Variants in PAPSS1 observed in about 807,000 individuals in gnomAD.
PAPSS1 encodes the protein bifunctional 3'-phosphoadenosine 5'-phosphosulfate synthase 1.
In PAPSS1, 50 loss-of-function variants were observed where a neutral mutation model predicts 72.0. The ratio of observed to expected loss-of-function variants is 0.69; its 90% CI spans 0.55 to 0.88. PAPSS1 has a LOEUF of 0.88. Ranked by LOEUF, PAPSS1 falls within the 40% of genes least tolerant of loss-of-function variation. The pLI is 0.00. For missense variants in PAPSS1, 657 were observed against 782.2 expected (o/e 0.84, Z 1.91); for synonymous variants, 261 against 263.6 (o/e 0.99, Z 0.09).
At chr4:107,698,488 G>C (rs1471617593) in intron 2 of PAPSS1, among the ~76,000 whole-genome samples, 1 of 152,158 alleles carries the variant, frequency 6.6e-6, no homozygotes, top group East Asian at 1.9e-4. Flanking sequence ...ATCCGAACAA[G>C]TGAAAACCTG....
In PAPSS1 at chr4:107,627,342, C is replaced by A. The variant is rs1726125104; in HGVS notation, c.1736+4289G>T. On this transcript the variant is annotated intron_variant, in intron 11 of 11. Transcript: ENST00000265174. ...TTGCTCTCCCTTGCCACTATATTAG[C>A]AACTTAAGGAAGTTAATCCTAACGC... Among the ~76,000 whole-genome samples, 3 of 152,168 alleles carry A rather than the reference C, an allele frequency of 2.0e-5. No individual in the cohort carries two copies. In the South Asian group the frequency reaches 6.2e-4, roughly 32 times the overall value.
At chr4:107,631,351 T>C (rs911699628) in intron 11 of PAPSS1, among the ~76,000 whole-genome samples, 19 of 152,228 alleles carry the variant, frequency 1.2e-4, no homozygotes, top group Non-Finnish European at 2.8e-4. Flanking sequence ...CTCAAACTAG[T>C]TATGCTCAGT....
intron 11 of PAPSS1, among the ~76,000 whole-genome samples, chr4:107,615,029 A>C (rs1203584208): frequency 6.6e-6 from 1 of 152,058 alleles, no homozygotes; most frequent in African/African-American, 2.4e-5. Context: ...GAAAACTTTT[A>C]AAGAAGTTTC....
Position 107,687,185 on chromosome 4 carries a change from AAAAAT to A in PAPSS1, c.412-13_412-9del, listed in dbSNP as rs749613215. The A allele has an allele frequency of 1.0e-5, 16 of 1,545,324 alleles. No homozygotes were observed. In the Middle Eastern group the frequency reaches 1.2e-3, roughly 117 times the overall value. On this transcript the variant is annotated splice_polypyrimidine_tract_variant and intron_variant, in intron 3 of 11. Transcript: ENST00000265174. ...CCTTGCATTGTTGCGATCCTTAAAA[AAAAAT>A]AAAATAAAAAGTGATCACACAAATC...
In PAPSS1 at chr4:107,687,148, T is replaced by G. The variant is rs1162755273; in HGVS notation, c.441A>C (p.Glu147Asp). The G allele has an allele frequency of 6.3e-7, 1 of 1,590,014 alleles. No individual in the cohort carries two copies. Among genetic ancestry groups the G allele is most frequent in the East Asian group, 2.3e-5 (1 of 43,842 alleles). ...QDRNNARQIH[E>D]GASLPFFEVF... ...CTTCAAAAAACGGTAAACTTGCACC[T>G]TCATGAATTTGCCTTGCATTGTTGC... The change falls in exon 4 of 12, where the codon GAA (glutamate) becomes GAC (aspartate). Residue 147 changes from glutamate (E) to aspartate (D), a missense_variant. Glu to Asp is a conservative substitution (Grantham distance 45). Coordinates refer to ENST00000265174, the MANE Select transcript of PAPSS1 (RefSeq NM_005443.5).
chr4:107,630,665 G>C (rs565175665), intron 11 of PAPSS1, among the ~76,000 whole-genome samples: 2 of 151,558 alleles, frequency 1.3e-5, no homozygotes, highest in South Asian at 4.3e-4. Context: ...GGGTTTTTTT[G>C]CTCTTCCTAA....
Position 107,720,202 on chromosome 4 carries a change from C to T in PAPSS1, c.-23G>A. The T allele has an allele frequency of 6.3e-7, 1 of 1,595,640 alleles. No individual in the cohort carries two copies. Among genetic ancestry groups the T allele is most frequent in the African/African-American group, 1.4e-5 (1 of 73,084 alleles). ...CATGACCGCGGAGCGCGCTGAGCAG[C>T]CGGGGTTCTCTGCGCCGGGAGGGTA... On this transcript the variant is annotated 5_prime_UTR_variant, in exon 1 of 12. Transcript: ENST00000265174.
chr4:107,685,482 TAC>T (rs1422806009), intron 4 of PAPSS1, among the ~76,000 whole-genome samples: 1 of 152,258 alleles, frequency 6.6e-6, no homozygotes, highest in Admixed American at 6.5e-5. Flanking sequence ...GCCAAATTTC[TAC>T]ACAAAGACTG....
chr4:107,679,794 T>C (rs1056239667), intron 5 of PAPSS1, among the ~76,000 whole-genome samples: 5 of 151,620 alleles, frequency 3.3e-5, no homozygotes, highest in African/African-American at 7.3e-5. Context: ...CTCCTCAAGA[T>C]AGGACTTTTT....
In PAPSS1 at chr4:107,682,119, C is replaced by T; in HGVS notation, c.565G>A (p.Asp189Asn). 1 of 1,585,436 alleles carries T rather than the reference C, an allele frequency of 6.3e-7. No individual in the cohort carries two copies. Among genetic ancestry groups the T allele is most frequent in the Non-Finnish European group, 8.6e-7 (1 of 1,156,132 alleles). Residue 189 changes from aspartate to asparagine, a missense_variant, in exon 5 of 12, where the codon GAT (aspartate) becomes AAT (asparagine). Asp to Asn is a conservative substitution (Grantham distance 23). This residue lies in a region of PAPSS1 where 28 missense variants were observed against 60.8 expected (regional missense o/e 0.46). Transcript: ENST00000265174. ...GCCTCTGGCTTTTCATATTCAGAAT[C>T]GATCCCAGTGAAACCTGCAAAAGGT... ...AGEIKGFTGI[D>N]SEYEKPEAPE... is the part of the protein sequence containing the mutation.
At chr4:107,698,514 C>G (rs1723127937) in intron 2 of PAPSS1, among the ~76,000 whole-genome samples, 1 of 152,162 alleles carries the variant, frequency 6.6e-6, no homozygotes, top group Non-Finnish European at 1.5e-5. Flanking sequence ...AATAACTCTT[C>G]TTGGATCCGT....
intron 11 of PAPSS1, among the ~76,000 whole-genome samples, chr4:107,622,341 T>C (rs1725986511): frequency 6.6e-6 from 1 of 152,242 alleles, no homozygotes; most frequent in Admixed American, 6.5e-5. Flanking sequence ...TTCTCCCAGA[T>C]ACTATAGTTG....
chr4:107,694,198 C>A (rs1458039691), intron 2 of PAPSS1, 192 bp from the exon 3 acceptor site: 3 of 545,232 alleles, frequency 5.5e-6, no homozygotes, highest in African/African-American at 1.9e-5. Flanking sequence ...ATAGCTAGGA[C>A]AACAGGCACA....
At chr4:107,694,132 T>C (rs1050000073) in intron 2 of PAPSS1, 126 bp from the exon 3 acceptor site, 9 of 654,134 alleles carry the variant, frequency 1.4e-5, no homozygotes, top group African/African-American at 7.3e-5. Flanking sequence ...AGAGGCTGCA[T>C]AGCTCACTGC....
intron 5 of PAPSS1, among the ~76,000 whole-genome samples, chr4:107,681,244 C>T (rs1236757777): frequency 1.3e-5 from 2 of 151,992 alleles, no homozygotes; most frequent in Non-Finnish European, 2.9e-5. Flanking sequence ...TTTCTGTGTA[C>T]CCCTAGGTCA....
At chr4:107,712,544 A>G (rs1274323209) in intron 1 of PAPSS1, among the ~76,000 whole-genome samples, 1 of 152,166 alleles carries the variant, frequency 6.6e-6, no homozygotes, top group Non-Finnish European at 1.5e-5. Context: ...TGATAGCCAA[A>G]AAGTAGGAAC....
intron 11 of PAPSS1, among the ~76,000 whole-genome samples, chr4:107,619,573 T>A (rs1242655959): frequency 6.6e-6 from 1 of 151,512 alleles, no homozygotes; most frequent in Admixed American, 6.6e-5. Flanking sequence ...TAACTAAATT[T>A]AAAAAAAAAC....
chr4:107,712,402 A>C (rs1038281075), intron 1 of PAPSS1, among the ~76,000 whole-genome samples: 2 of 152,230 alleles, frequency 1.3e-5, no homozygotes, highest in African/African-American at 4.8e-5. Flanking sequence ...CATTCACCAC[A>C]CATACAAGGG....
chr4:107,669,275 C>T (rs1727408423), intron 5 of PAPSS1, among the ~76,000 whole-genome samples: 1 of 152,210 alleles, frequency 6.6e-6, no homozygotes, highest in Non-Finnish European at 1.5e-5. Flanking sequence ...GTCAGGTATT[C>T]ACTGGTTTCT....
Sources: allele counts gnomAD v4.1 joint callset (sites outside exome capture counted in the v4.1 genomes callset), GRCh38; gene constraint gnomAD v4.1.1; regional missense constraint gnomAD v4.1.1; transcripts MANE v1.5; gene names NCBI Gene and HGNC (gene_info 2026-07-23, HGNC 2026-07-21).